Variants in FLT3 observed in about 807,000 individuals in gnomAD.
FLT3 encodes the protein receptor-type tyrosine-protein kinase FLT3.
In FLT3, 46 loss-of-function variants were observed where a neutral mutation model predicts 126.6. The ratio of observed to expected loss-of-function variants is 0.36; its 90% CI spans 0.29 to 0.46. FLT3 has a LOEUF of 0.46. Among genes scored for constraint, FLT3 ranks in the 20% least tolerant of loss-of-function variants. The pLI is 1.00. For missense variants in FLT3, 1,069 were observed against 1,190.3 expected (o/e 0.90, Z 1.50); for synonymous variants, 404 against 434.4 (o/e 0.93, Z 0.87).
chr13:28,053,254 C>G (rs1375486535), intron 4 of FLT3, among the ~76,000 whole-genome samples: 1 of 151,740 alleles, frequency 6.6e-6, no homozygotes, highest in South Asian at 2.1e-4. Flanking sequence ...TTTGACTCTT[C>G]TAGAGACTGG....
rs530265492 is a variant in FLT3 at position 28,052,389 on chromosome 13, C to T, written c.614+156G>A. Among the ~76,000 whole-genome samples, 75 of 152,336 alleles carry T rather than the reference C, an allele frequency of 4.9e-4. No individual in the cohort carries two copies. In the South Asian group the frequency reaches 0.015, roughly 30 times the overall value. On this transcript the variant is annotated intron_variant, in intron 5 of 23. Transcript: ENST00000241453. The stretch of plus-strand genomic sequence containing the variant: ...GGGATTACAGGCGTGAGCCACTTCA[C>T]CCGGCCCTATACTGGCCATTTTTTA...
At chr13:28,008,702 C>A (rs1871123672) in intron 23 of FLT3, among the ~76,000 whole-genome samples, 1 of 151,994 alleles carries the variant, frequency 6.6e-6, no homozygotes, top group African/African-American at 2.4e-5. Flanking sequence ...TGGTCTCGAA[C>A]TCCTGACCTC....
intron 12 of FLT3, 85 bp from the exon 13 acceptor site, chr13:28,034,492 C>T: frequency 1.1e-6 from 1 of 944,104 alleles, no homozygotes; most frequent in Non-Finnish European, 1.7e-6. Flanking sequence ...TAATCTCTCA[C>T]ATCCTGTTTC....
At chr13:28,044,674 G>T (rs1484679023) in intron 9 of FLT3, among the ~76,000 whole-genome samples, 2 of 152,174 alleles carry the variant, frequency 1.3e-5, no homozygotes, top group Admixed American at 6.5e-5. Flanking sequence ...TGTGTCGTCA[G>T]TGGCCCATAA....
intron 1 of FLT3, among the ~76,000 whole-genome samples, chr13:28,097,926 A>G (rs1409471818): frequency 2.6e-5 from 4 of 152,216 alleles, no homozygotes; most frequent in Admixed American, 6.5e-5. Context: ...TCTGTCCAGT[A>G]TCAGCAGATA....
At chr13:28,020,041 C>G (rs1318203177) in intron 19 of FLT3, among the ~76,000 whole-genome samples, 1 of 152,138 alleles carries the variant, frequency 6.6e-6, no homozygotes, top group Non-Finnish European at 1.5e-5. Flanking sequence ...TCTGCTAGAC[C>G]ACGCTCTACT....
rs567017555 is a variant in FLT3, at chr13:28,019,339, C to CA, written c.2419-751dup. 2.8e-4 allele frequency among the ~76,000 whole-genome samples: 42 copies of CA among 152,112 alleles called. 1 individual carries two copies. Among genetic ancestry groups the CA allele is most frequent in the Admixed American group, 2.7e-3 (41 of 15,288 alleles). ...ATATCGAGGGAAATAATCGGAAAAA[C>CA]AAAAAGCTAAAAATGAGTTTGGAGA... is the stretch of plus-strand genomic sequence containing the variant. On this transcript the variant is annotated intron_variant, in intron 19 of 23. Coordinates refer to ENST00000241453, the MANE Select transcript of FLT3 (RefSeq NM_004119.3).
chr13:28,004,676 C>T (rs1166603625), intron 23 of FLT3, among the ~76,000 whole-genome samples: 2 of 152,072 alleles, frequency 1.3e-5, no homozygotes, highest in African/African-American at 4.8e-5. Flanking sequence ...AACGTGTAGA[C>T]AAGTACTTTT....
intron 1 of FLT3, among the ~76,000 whole-genome samples, chr13:28,085,733 A>C (rs572367143): frequency 6.8e-6 from 1 of 147,678 alleles, no homozygotes; most frequent in South Asian, 2.1e-4. Context: ...TTTGTCTAAC[A>C]TCATTACCTC....
intron 1 of FLT3, among the ~76,000 whole-genome samples, chr13:28,077,304 G>A (rs551623865): frequency 6.6e-6 from 1 of 152,206 alleles, no homozygotes; most frequent in African/African-American, 2.4e-5. Context: ...AAGAAAAAGA[G>A]GTTTAATTGG....
rs747529463 is a variant in FLT3, at chr13:28,073,940, T to TAA, written c.44-3330_44-3329dup. ...GGGCAAAAGAGCCAGATCCTGCCTC[T>TAA]AAAAAAAAAAAAAAAAGAAAAGAAA... is the stretch of plus-strand genomic sequence containing the variant. On this transcript the variant is annotated intron_variant, in intron 1 of 23. Coordinates refer to ENST00000241453, the MANE Select transcript of FLT3 (RefSeq NM_004119.3). Among the ~76,000 whole-genome samples the TAA allele has an allele frequency of 4.9e-3, 653 of 132,440 alleles. 18 individuals are homozygous for TAA. Among genetic ancestry groups the TAA allele is most frequent in the African/African-American group, 0.011 (409 of 35,884 alleles). The allele number at this position is 132,440 out of a possible 152,430, so 86.9% of individuals were successfully genotyped here.
At chr13:28,008,715 GTGA>G (rs1328158540) in intron 23 of FLT3, among the ~76,000 whole-genome samples, 1 of 151,984 alleles carries the variant, frequency 6.6e-6, no homozygotes, top group African/African-American at 2.4e-5. Context: ...CTGACCTCAG[GTGA>G]TCCACTCGCC....
intron 9 of FLT3, among the ~76,000 whole-genome samples, chr13:28,047,980 A>G (rs754904757): frequency 6.6e-6 from 1 of 152,210 alleles, no homozygotes; most frequent in Non-Finnish European, 1.5e-5. Flanking sequence ...ACTCTCAAAC[A>G]GGAAGTAAAA....
At chr13:28,088,414 AG>A (rs1302662520) in intron 1 of FLT3, among the ~76,000 whole-genome samples, 1 of 151,590 alleles carries the variant, frequency 6.6e-6, no homozygotes, top group Non-Finnish European at 1.5e-5. Flanking sequence ...CAGCCTCCCA[AG>A]TAGCTGGAAT....
chr13:28,009,061 C>T (rs1212612215), intron 23 of FLT3, among the ~76,000 whole-genome samples: 2 of 152,118 alleles, frequency 1.3e-5, no homozygotes, highest in East Asian at 1.9e-4. Flanking sequence ...ACTGCAGCCT[C>T]GACTTCCTGG....
intron 1 of FLT3, among the ~76,000 whole-genome samples, chr13:28,094,132 A>C (rs369734415): frequency 6.6e-6 from 1 of 152,212 alleles, no homozygotes; most frequent in Non-Finnish European, 1.5e-5. Flanking sequence ...AAGTGCAGAG[A>C]CATTCTCTGC....
At chr13:28,075,228 T>C (rs1877847477) in intron 1 of FLT3, among the ~76,000 whole-genome samples, 1 of 152,200 alleles carries the variant, frequency 6.6e-6, no homozygotes, top group African/African-American at 2.4e-5. Flanking sequence ...TGCATTTCCC[T>C]GATGATTAGT....
At chr13:28,044,599 G>A (rs1456720431) in intron 9 of FLT3, among the ~76,000 whole-genome samples, 3 of 152,162 alleles carry the variant, frequency 2.0e-5, no homozygotes, top group Non-Finnish European at 2.9e-5. Context: ...TGTGTTGTTC[G>A]TTTCTTGTTC....
At position 28,033,947 on chromosome 13, in the gene FLT3, T is replaced by C. The variant is rs2137673034; in HGVS notation, c.1882A>G (p.Thr628Ala). The change falls in exon 15 of 24, where the codon ACA becomes GCA. Residue 628 changes from threonine to alanine, a missense_variant. By Grantham distance (58) the Thr-to-Ala change is moderately conservative (BLOSUM62 0). Coordinates refer to ENST00000241453, the MANE Select transcript of FLT3 (RefSeq NM_004119.3). ...CCTGTTTTGCTAATTCCATAAGCTG[T>C]TGCGTTCATCACTTTTCCAAAAGCA... is the stretch of plus-strand genomic sequence containing the variant. ...SGAFGKVMNA[T>A]AYGISKTGVS... The C allele has an allele frequency of 6.2e-7, 1 of 1,614,226 alleles. No homozygotes were observed. The highest frequency in any genetic ancestry group is 1.1e-5 in the South Asian group (1 of 91,080).
Sources: allele counts gnomAD v4.1 joint callset (sites outside exome capture counted in the v4.1 genomes callset), GRCh38; gene constraint gnomAD v4.1.1; transcripts MANE v1.5; gene names NCBI Gene and HGNC (gene_info 2026-07-23, HGNC 2026-07-21).